XYLT1: variants seen among roughly 807,000 people sequenced by gnomAD.
XYLT1 encodes beta-D-xylosyltransferase 1.
In XYLT1, 36 loss-of-function variants were observed where a neutral mutation model predicts 91.3. The ratio of observed to expected loss-of-function variants is 0.39; its 90% CI spans 0.30 to 0.52. The LOEUF (loss-of-function observed/expected upper bound fraction) is 0.52. Among genes scored for constraint, XYLT1 ranks in the 20% least tolerant of loss-of-function variants. XYLT1 has a pLI of 0.68. For synonymous variants in XYLT1, 588 were observed against 532.0 expected (o/e 1.11, Z -1.45); for missense variants, 1,242 against 1,284.5 (o/e 0.97, Z 0.51).
Position 17,139,876 on chromosome 16 carries a change from G to A in XYLT1, c.1587+1277C>T, listed in dbSNP as rs144948532. ...TGATGACAAGCTCATCATCCCTCTG[G>A]GTGATGGGGGCAGTCAGCCCTCCCC... On this transcript the variant is annotated intron_variant, in intron 7 of 11. Transcript: ENST00000261381. 4.1e-4 allele frequency among the ~76,000 whole-genome samples: 62 copies of A among 152,326 alleles called. No homozygotes were observed. In the East Asian group the frequency reaches 0.01, roughly 26 times the overall value.
rs2033906545 is a variant in XYLT1 at position 17,272,179 on chromosome 16, T to G, written c.403-12681A>C. Among the ~76,000 whole-genome samples the G allele has an allele frequency of 3.6e-5, 4 of 109,964 alleles. No individual in the cohort carries two copies. The East Asian group carries it at 9.1e-4, about 25-fold the overall frequency. 72.1% of individuals were successfully genotyped at this position (109,964 alleles called of 152,430 possible). On this transcript the variant is annotated intron_variant, in intron 2 of 11. Coordinates refer to ENST00000261381, the MANE Select transcript of XYLT1 (RefSeq NM_022166.4). ...TTTTTTTTTTTTTTTTTTTTTTTTT[T>G]GAGACAGAGTCTCGCTTTGTCACCC...
intron 1 of XYLT1, among the ~76,000 whole-genome samples, chr16:17,427,594 C>A (rs2036335445): frequency 6.6e-6 from 1 of 152,108 alleles, no homozygotes; most frequent in Admixed American, 6.5e-5. Context: ...TCAAGTTCTG[C>A]TTTTCAAATG....
chr16:17,456,953 A>AATT (rs565788645), intron 1 of XYLT1, among the ~76,000 whole-genome samples: 3 of 152,124 alleles, frequency 2.0e-5, no homozygotes, highest in Non-Finnish European at 4.4e-5. Context: ...AGATAATAGC[A>AATT]ATTATTATTA....
chr16:17,333,048 T>C (rs187740622), intron 2 of XYLT1, among the ~76,000 whole-genome samples: 167 of 152,180 alleles, frequency 1.1e-3, no homozygotes, highest in African/African-American at 3.8e-3. Flanking sequence ...AAATCTTTTT[T>C]TTTTCTTCCC....
At chr16:17,366,520 C>T (rs969669056) in intron 1 of XYLT1, among the ~76,000 whole-genome samples, 2 of 152,120 alleles carry the variant, frequency 1.3e-5, no homozygotes, top group Non-Finnish European at 2.9e-5. Context: ...TATGGTGAAA[C>T]CCCATCTCTA....
At chr16:17,461,174 C>A (rs576185820) in intron 1 of XYLT1, among the ~76,000 whole-genome samples, 3 of 152,294 alleles carry the variant, frequency 2.0e-5, no homozygotes, top group African/African-American at 7.2e-5. Flanking sequence ...AGAGCTTGGG[C>A]CCCATGAGCA....
intron 2 of XYLT1, among the ~76,000 whole-genome samples, chr16:17,300,758 C>G (rs772278706): frequency 3.3e-5 from 5 of 151,950 alleles, no homozygotes; most frequent in African/African-American, 4.8e-5. Context: ...CGCGCCCAGC[C>G]TAATGCAGCT....
At position 17,321,515 on chromosome 16, in the gene XYLT1, G is replaced by A. The variant is rs149909578; in HGVS notation, c.402+36497C>T. ...TGGGATTACAGGAATGCACCACCAC[G>A]CTCTGCTACTTTTTGTATTTTTAGT... On this transcript the variant is annotated intron_variant, in intron 2 of 11. Transcript: ENST00000261381. 9.1e-3 allele frequency among the ~76,000 whole-genome samples: 1,375 copies of A among 151,680 alleles called. 10 individuals are homozygous for A. Among genetic ancestry groups the A allele is most frequent in the Non-Finnish European group, 0.014 (983 of 67,900 alleles).
chr16:17,117,210 T>G (rs906889444), intron 11 of XYLT1, among the ~76,000 whole-genome samples: 13 of 152,256 alleles, frequency 8.5e-5, no homozygotes, highest in African/African-American at 3.1e-4. Flanking sequence ...ACATGAGTAC[T>G]TTAAAAAAAT....
At chr16:17,138,654 C>CATCTCATCAGAAG in intron 7 of XYLT1, 123 bp from the exon 8 acceptor site, 1 of 1,193,518 alleles carries the variant, frequency 8.4e-7, no homozygotes, top group Non-Finnish European at 1.2e-6. Context: ...AAGAATGTGG[C>CATCTCATCAGAAG]ATCTCATCAG....
intron 3 of XYLT1, among the ~76,000 whole-genome samples, chr16:17,224,330 C>CA (rs1433735772): frequency 3.2e-4 from 49 of 152,268 alleles, no homozygotes; most frequent in Non-Finnish European, 3.2e-4. Flanking sequence ...ATGAATGACC[C>CA]AACGAACACT....
At chr16:17,184,111 A>T (rs1186033226) in intron 5 of XYLT1, among the ~76,000 whole-genome samples, 3 of 149,934 alleles carry the variant, frequency 2.0e-5, no homozygotes, top group Non-Finnish European at 3.0e-5. Flanking sequence ...AATTCCCAGG[A>T]TGCACTTGGA....
At chr16:17,213,785 A>C (rs1453347479) in intron 3 of XYLT1, among the ~76,000 whole-genome samples, 1 of 151,818 alleles carries the variant, frequency 6.6e-6, no homozygotes, top group East Asian at 1.9e-4. Context: ...TGCCCGGCTA[A>C]TTTTTTGTAT....
intron 5 of XYLT1, among the ~76,000 whole-genome samples, chr16:17,187,393 CA>C (rs71137979): frequency 0.016 from 894 of 55,298 alleles, 5 homozygotes; most frequent in African/African-American, 0.052. Flanking sequence ...GACTCAGTTT[CA>C]AAAAAAAAAA....
At chr16:17,328,464 G>A (rs561517041) in intron 2 of XYLT1, among the ~76,000 whole-genome samples, 52 of 146,402 alleles carry the variant, frequency 3.6e-4, no homozygotes, top group African/African-American at 1.2e-3. Flanking sequence ...CAGAAGAATC[G>A]CTTGAGCCCA....
Position 17,300,150 on chromosome 16 carries a change from T to C in XYLT1, c.403-40652A>G, listed in dbSNP as rs146758011. ...AAGAGTGGCTTAGCTGTTAAGAACATGGTGAAAACTGACCTTGGATGGCTC... is the reference window on the plus strand; with the variant it reads ...AAGAGTGGCTTAGCTGTTAAGAACACGGTGAAAACTGACCTTGGATGGCTC... On this transcript the variant is annotated intron_variant, in intron 2 of 11. Coordinates refer to ENST00000261381, the MANE Select transcript of XYLT1 (RefSeq NM_022166.4). 5.8e-4 allele frequency among the ~76,000 whole-genome samples: 88 copies of C among 152,268 alleles called. No homozygotes were observed. The East Asian group carries it at 0.016, about 28-fold the overall frequency.
intron 2 of XYLT1, among the ~76,000 whole-genome samples, chr16:17,311,817 C>T (rs2034554512): frequency 1.1e-5 from 1 of 92,824 alleles, no homozygotes; most frequent in South Asian, 2.8e-4. Flanking sequence ...AGGCAAAAGG[C>T]ACGTCTTACA....
intron 3 of XYLT1, among the ~76,000 whole-genome samples, chr16:17,221,098 G>A (rs1276147394): frequency 2.0e-5 from 3 of 152,120 alleles, no homozygotes; most frequent in Non-Finnish European, 4.4e-5. Context: ...CTTGCCTCTT[G>A]TTAATAATCA....
At chr16:17,157,050 C>T (rs536473724) in intron 6 of XYLT1, among the ~76,000 whole-genome samples, 13 of 151,800 alleles carry the variant, frequency 8.6e-5, no homozygotes, top group African/African-American at 2.4e-4. Context: ...CAGGATCAAG[C>T]GATTCTCCTG....
Sources: gnomAD v4.1 joint callset for allele counts (sites outside exome capture counted in the v4.1 genomes callset) on GRCh38, gnomAD v4.1.1 for gene constraint, MANE v1.5 for transcripts, NCBI Gene and HGNC (gene_info 2026-07-23, HGNC 2026-07-21) for gene names.